The following CC2D2B variants were observed in gnomAD, a reference collection of about 807,000 sequenced individuals.
CC2D2B encodes protein CC2D2B.
In CC2D2B, 128 loss-of-function variants were observed where a neutral mutation model predicts 161.2. That is an observed-to-expected ratio of 0.79 (90% CI 0.69 to 0.92). The LOEUF is 0.92. Ranked by LOEUF, CC2D2B falls within the 40% of genes least tolerant of loss-of-function variation. The pLI is 0.00. For synonymous variants in CC2D2B, 391 were observed against 449.8 expected, an observed-to-expected ratio of 0.87 and a Z score of 1.65; for missense variants, 1,173 against 1,375.1, an observed-to-expected ratio of 0.85 and a Z score of 2.32.
At chr10:95,943,584 C>T (rs2076095411) in intron 9 of CC2D2B, among the ~76,000 whole-genome samples, 1 of 152,082 alleles carries the variant, frequency 6.6e-6, no homozygotes, top group African/African-American at 2.4e-5. Flanking sequence ...GTTCATTCGA[C>T]ATTTAATTCT....
At chr10:95,947,807 A>G (rs935530266) in intron 9 of CC2D2B, among the ~76,000 whole-genome samples, 21 of 152,124 alleles carry the variant, frequency 1.4e-4, no homozygotes, top group Admixed American at 5.2e-4. Context: ...ATATGATCTA[A>G]AGCCTACAGA....
At chr10:95,996,034 A>AGT (rs2078218339) in intron 23 of CC2D2B, 109 bp from the exon 24 acceptor site, 1 of 428,858 alleles carries the variant, frequency 2.3e-6, no homozygotes, top group African/African-American at 2.0e-5. Flanking sequence ...GTCATTTGAA[A>AGT]AACTAGAAAA....
At chr10:96,016,130 T>C in intron 29 of CC2D2B, 71 bp from the exon 30 acceptor site, 1 of 942,436 alleles carries the variant, frequency 1.1e-6, no homozygotes, top group Non-Finnish European at 1.7e-6. Flanking sequence ...TCCGCATCAG[T>C]TGGATGCTTG....
At position 95,947,754 on chromosome 10, in the gene CC2D2B, T is replaced by TAAAAA. The variant is rs571836060; in HGVS notation, c.802-2133_802-2129dup. On this transcript the variant is annotated intron_variant, in intron 9 of 34. Coordinates refer to ENST00000646931, the MANE Select transcript of CC2D2B (RefSeq NM_001349008.3). ...CACAGTGAGACTCCGTCTCAAGAAATAAAAAAAAAAAAAGATGGACTAAAA... is the reference window on the plus strand; with the variant it reads ...CACAGTGAGACTCCGTCTCAAGAAATAAAAAAAAAAAAAAAAAAGATGGACTAAAA... 1.6e-3 allele frequency among the ~76,000 whole-genome samples: 207 copies of TAAAAA among 133,360 alleles called. 5 individuals carry two copies. Among genetic ancestry groups the TAAAAA allele is most frequent in the Admixed American group, 0.015 (206 of 13,492 alleles). 87.5% of individuals were successfully genotyped at this position (133,360 alleles called of 152,430 possible). A position where few individuals can be genotyped will look rare whatever the true frequency, so the allele number is the denominator to read the frequency against.
At chr10:95,996,104 G>C in intron 23 of CC2D2B, 39 bp from the exon 24 acceptor site, 11 of 980,366 alleles carry the variant, frequency 1.1e-5, no homozygotes, top group African/African-American at 1.6e-5. Flanking sequence ...ACTATATATA[G>C]TATTTCAAAA....
At chr10:96,022,734 T>G (rs777905559) in intron 32 of CC2D2B, 1 of 152,232 alleles carries the variant, frequency 6.6e-6, no homozygotes, top group Non-Finnish European at 1.5e-5. Context: ...AAAAGACATA[T>G]CTCAGTGTTC....
At position 95,992,672 on chromosome 10, in the gene CC2D2B, C is replaced by G. The variant is rs2141675467; in HGVS notation, c.2617C>G (p.Pro873Ala). Residue 873 changes from proline to alanine, a missense_variant, in exon 22 of 35, where the codon CCT becomes GCT. Coordinates refer to ENST00000646931, the MANE Select transcript of CC2D2B (RefSeq NM_001349008.3). ...CCGAATAGTGAGGGCCTATAATATT[C>G]CTACCAGAAAAACAACAATTAATGG... ...LVRIVRAYNI[P>A]TRKTTINGSL... 8.1e-7 allele frequency: 1 copy of G among 1,234,172 alleles called. No individual in the cohort carries two copies. Among genetic ancestry groups the G allele is most frequent in the South Asian group, 4.1e-5 (1 of 24,400 alleles). 76.5% of individuals were successfully genotyped at this position (1,234,172 alleles called of 1,614,324 possible). A position where few individuals can be genotyped will look rare whatever the true frequency, so the allele number is the denominator to read the frequency against.
intron 9 of CC2D2B, 40 bp downstream of exon 9, chr10:95,938,965 CTTGTAATA>C (rs2075924917): frequency 4.6e-6 from 3 of 654,360 alleles, no homozygotes; most frequent in Non-Finnish European, 8.3e-6. Flanking sequence ...GGTTAAAATT[CTTGTAATA>C]TCAATTATCG....
intron 7 of CC2D2B, 146 bp from the exon 8 acceptor site, chr10:95,938,423 C>T (rs914342967): frequency 3.2e-5 from 19 of 595,020 alleles, no homozygotes; most frequent in Middle Eastern, 4.4e-4. Context: ...AGAGAGCGAG[C>T]GAGAAAGTAA....
At chr10:96,025,184 T>TAA (rs1279667652) in intron 33 of CC2D2B, among the ~76,000 whole-genome samples, 1 of 20,650 alleles carries the variant, frequency 4.8e-5, no homozygotes, top group Non-Finnish European at 9.6e-5. Flanking sequence ...TATATATATA[T>TAA]AAAAAAAAAT....
In CC2D2B at chr10:96,016,262, T is replaced by C; in HGVS notation, c.3578T>C (p.Phe1193Ser). Residue 1193 changes from phenylalanine (F) to serine (S), a missense_variant, in exon 30 of 35, where the codon TTT (phenylalanine) becomes TCT (serine). Physicochemically the swap from Phe to Ser is radical, Grantham distance 155. Around this residue, in one of 3 missense-constraint regions of CC2D2B, gnomAD observed 598 missense variants for 693.2 expected, o/e 0.86. Transcript: ENST00000646931. ...EEHAILLCNF[F>S]LYFGKKALVL... ...CATGCCATCCTTCTCTGTAATTTCT[T>C]TCTGTATTTTGGAAAGAAGGCACTG... is the stretch of plus-strand genomic sequence containing the variant. The C allele has an allele frequency of 6.2e-7, 1 of 1,613,554 alleles. No homozygotes were observed. The highest frequency in any genetic ancestry group is 8.5e-7 in the Non-Finnish European group (1 of 1,179,714).
rs2078912059 is a variant in CC2D2B, at chr10:96,009,862, T to C, written c.2984T>C (p.Ile995Thr). The change falls in exon 26 of 35, where the codon ATA becomes ACA. Residue 995 changes from isoleucine (I) to threonine (T), a missense_variant. Around this residue, in one of 3 missense-constraint regions of CC2D2B, gnomAD observed 598 missense variants for 693.2 expected, o/e 0.86. Coordinates refer to ENST00000646931, the MANE Select transcript of CC2D2B (RefSeq NM_001349008.3). ...CLKSCSGHSY[I>T]RKNWLGCIVF... ...AAGAGCTGTAGTGGTCACTCATATA[T>C]AAGAAAGAATTGGCTTGGATGCATT... 2.5e-6 allele frequency: 4 copies of C among 1,609,012 alleles called. No individual in the cohort carries two copies. Among genetic ancestry groups the C allele is most frequent in the Admixed American group, 1.7e-5 (1 of 59,754 alleles).
Position 95,924,761 on chromosome 10 carries a change from A to G in CC2D2B, c.175-18A>G, listed in dbSNP as rs2098535268. ...ATTATGTCTATTTCTGTAAAGATTTATTTATGTTGTGTTTCAGATTAATAA... is the reference window on the plus strand; with the variant it reads ...ATTATGTCTATTTCTGTAAAGATTTGTTTATGTTGTGTTTCAGATTAATAA... On this transcript the variant is annotated intron_variant, in intron 4 of 34. Transcript: ENST00000646931. 4 of 1,479,082 alleles carry G rather than the reference A, an allele frequency of 2.7e-6. No homozygotes were observed. The South Asian group carries it at 3.7e-5, about 14-fold the overall frequency. 91.6% of individuals were successfully genotyped at this position (1,479,082 alleles called of 1,614,324 possible). A position where few individuals can be genotyped will look rare whatever the true frequency, so the allele number is the denominator to read the frequency against.
chr10:95,957,806 C>G (rs1036580616), intron 11 of CC2D2B, among the ~76,000 whole-genome samples: 3 of 151,138 alleles, frequency 2.0e-5, no homozygotes, highest in African/African-American at 7.3e-5. Flanking sequence ...GGTGATCCAC[C>G]TGCCTTGGCC....
chr10:95,995,320 T>C lies in CC2D2B; in HGVS notation c.2694T>C (p.His898=), dbSNP rs992692166. 1 of 1,532,542 alleles carries C rather than the reference T, an allele frequency of 6.5e-7. No homozygotes were observed. The highest frequency in any genetic ancestry group is 8.7e-7 in the Non-Finnish European group (1 of 1,145,040). 94.9% of individuals were successfully genotyped at this position (1,532,542 alleles called of 1,614,324 possible). The change falls in exon 23 of 35, where the codon CAT becomes CAC. Residue 898 remains histidine (H), a synonymous_variant. Coordinates refer to ENST00000646931, the MANE Select transcript of CC2D2B (RefSeq NM_001349008.3). ...CLKSSISCLR[H]RETIKSVASD... The stretch of plus-strand genomic sequence containing the variant: ...AATCATCTATATCTTGCCTCAGACA[T>C]AGAGAAACAATCAAATCAGTAGCCT...
intron 16 of CC2D2B, 115 bp downstream of exon 16, chr10:95,972,331 T>A (rs1172007884): frequency 1.5e-6 from 1 of 665,512 alleles, no homozygotes; most frequent in Non-Finnish European, 2.1e-6. Context: ...TATTCTTTTT[T>A]GTTTGTTTGT....
intron 30 of CC2D2B, 44 bp downstream of exon 30, chr10:96,016,358 A>C: frequency 2.3e-6 from 3 of 1,305,288 alleles, no homozygotes; most frequent in Non-Finnish European, 3.3e-6. Context: ...GCAAAAGGAA[A>C]TCAGATTTCA....
At chr10:95,993,391 T>G (rs11188544) in intron 22 of CC2D2B, among the ~76,000 whole-genome samples, 15,531 of 152,142 alleles carry the variant, frequency 0.1, 1,589 homozygotes, top group East Asian at 0.57. Context: ...CCCAAATGCC[T>G]TAAGAATGTT....
chr10:95,923,110 G>A (rs147991810), intron 3 of CC2D2B, among the ~76,000 whole-genome samples: 1,862 of 152,066 alleles, frequency 0.012, 26 homozygotes, highest in Admixed American at 0.018. Flanking sequence ...GTGCCACCAC[G>A]CCCAGTTAAT....
Sources: allele counts gnomAD v4.1 joint callset (sites outside exome capture counted in the v4.1 genomes callset), GRCh38; gene constraint gnomAD v4.1.1; regional missense constraint gnomAD v4.1.1; transcripts MANE v1.5; gene names NCBI Gene and HGNC (gene_info 2026-07-23, HGNC 2026-07-21).